The following ZFYVE16 variants were observed in gnomAD, a reference collection of about 807,000 sequenced individuals.
ZFYVE16 encodes zinc finger FYVE domain-containing protein 16.
In ZFYVE16, 89 loss-of-function variants were observed where a neutral mutation model predicts 138.1. The ratio of observed to expected loss-of-function variants is 0.64; its 90% CI spans 0.54 to 0.77. ZFYVE16 has a LOEUF of 0.77. Ranked by LOEUF, ZFYVE16 falls within the 30% of genes least tolerant of loss-of-function variation. The pLI, the probability that ZFYVE16 is intolerant of heterozygous loss-of-function variation, is 0.00. For missense variants in ZFYVE16, 1,793 were observed against 1,786.7 expected (o/e 1.00, Z -0.06); for synonymous variants, 596 against 618.3 (o/e 0.96, Z 0.53).
intron 2 of ZFYVE16, among the ~76,000 whole-genome samples, chr5:80,432,186 A>G (rs569487785): frequency 6.6e-6 from 1 of 152,354 alleles, no homozygotes; most frequent in South Asian, 2.1e-4. Context: ...TTCAAACTAT[A>G]CTACAAGGCT....
In ZFYVE16 at chr5:80,426,201, G is replaced by GGTGT. The variant is rs67789869; in HGVS notation, c.-93-1266_-93-1263dup. On this transcript the variant is annotated intron_variant, in intron 1 of 18. Transcript: ENST00000505560. ...TATATATATATATATGTGTGTGTGT[G>GGTGT]GTGTGTGTGTGTGTGTGTGTGTGTG... Among the ~76,000 whole-genome samples, 174 of 139,674 alleles carry GGTGT rather than the reference G, an allele frequency of 1.2e-3. 1 individual carries two copies. The highest frequency in any genetic ancestry group is 4.3e-3 in the African/African-American group (157 of 36,342). 91.6% of individuals were successfully genotyped at this position (139,674 alleles called of 152,430 possible). A position where few individuals can be genotyped will look rare whatever the true frequency, so the allele number is the denominator to read the frequency against.
chr5:80,459,616 A>G (rs1004090342), intron 15 of ZFYVE16, 122 bp downstream of exon 15: 14 of 753,706 alleles, frequency 1.9e-5, no homozygotes, highest in Admixed American at 6.4e-5. Context: ...ACAAACTTAC[A>G]TGAAATCATC....
Position 80,477,472 on chromosome 5 carries a change from A to G in ZFYVE16, c.*95A>G. 8.3e-7 allele frequency: 1 copy of G among 1,197,698 alleles called. No homozygotes were observed. Among genetic ancestry groups the G allele is most frequent in the Non-Finnish European group, 1.1e-6 (1 of 893,318 alleles). The allele number at this position is 1,197,698 out of a possible 1,614,324, so 74.2% of individuals were successfully genotyped here. On this transcript the variant is annotated 3_prime_UTR_variant, in exon 19 of 19. Coordinates refer to ENST00000505560, the MANE Select transcript of ZFYVE16 (RefSeq NM_001284236.3). Reference sequence around the variant, plus strand: ...TGCCACAAACACTAAAAGTATAAATATGTCTGATTTTTGAAACACATAAGC... The same window carrying G: ...TGCCACAAACACTAAAAGTATAAATGTGTCTGATTTTTGAAACACATAAGC...
chr5:80,456,928 T>C lies in ZFYVE16; in HGVS notation c.3796-17T>C. ...AAGTGTTTCTAAATAAATGTTGTTG[T>C]TTTTGTTTTTTTCCAGGTAATGAAA... is the stretch of plus-strand genomic sequence containing the variant. On this transcript the variant is annotated splice_polypyrimidine_tract_variant and intron_variant, in intron 13 of 18. Transcript: ENST00000505560. 2 of 1,580,064 alleles carry C rather than the reference T, an allele frequency of 1.3e-6. No homozygotes were observed. The highest frequency in any genetic ancestry group is 8.6e-7 in the Non-Finnish European group (1 of 1,169,318).
intron 1 of ZFYVE16, among the ~76,000 whole-genome samples, chr5:80,417,324 T>A (rs1022162678): frequency 1.3e-5 from 2 of 152,214 alleles, no homozygotes; most frequent in African/African-American, 2.4e-5. Flanking sequence ...ATAGTTAGAC[T>A]TTTTGTCGCA....
intron 15 of ZFYVE16, 93 bp downstream of exon 15, chr5:80,459,587 A>C (rs1422827540): frequency 9.0e-7 from 1 of 1,116,552 alleles, no homozygotes; most frequent in Non-Finnish European, 1.3e-6. Context: ...AACATATGTA[A>C]GTTATAAAGC....
intron 2 of ZFYVE16, among the ~76,000 whole-genome samples, chr5:80,431,367 G>C (rs1333363618): frequency 6.6e-6 from 1 of 152,094 alleles, no homozygotes; most frequent in African/African-American, 2.4e-5. Context: ...ATGCAGAAAA[G>C]GCCTTTGACA....
rs1368414031 is a variant in ZFYVE16 at position 80,436,900 on chromosome 5, G to A, written c.215G>A (p.Ser72Asn). ...AATAGTTGTGCCTCATCAGAAACAA[G>A]CTATGGAACAAATGAGAGTTCCCTG... is the stretch of plus-strand genomic sequence containing the variant. ...CVNSCASSETSYGTNESSLNE... is the reference protein window; with the variant it reads ...CVNSCASSETNYGTNESSLNE... Residue 72 changes from serine (S) to asparagine (N), a missense_variant, in exon 4 of 19, where the codon AGC becomes AAC. Ser to Asn is a conservative substitution (Grantham distance 46). Around this residue, in one of 2 missense-constraint regions of ZFYVE16, gnomAD observed 1,295 missense variants for 1,204.3 expected, o/e 1.08. Transcript: ENST00000505560. The A allele has an allele frequency of 6.2e-7, 1 of 1,614,134 alleles. No homozygotes were observed.
In ZFYVE16 at chr5:80,451,373, GAC is replaced by G. The variant is rs528794718; in HGVS notation, c.3383-110_3383-109del. 6.7e-4 allele frequency: 501 copies of G among 749,392 alleles called. 8 individuals are homozygous for G. In the South Asian group the frequency reaches 9.4e-3, roughly 14 times the overall value. The allele number at this position is 749,392 out of a possible 1,614,324, so 46.4% of individuals were successfully genotyped here. On this transcript the variant is annotated intron_variant, in intron 10 of 18. Coordinates refer to ENST00000505560, the MANE Select transcript of ZFYVE16 (RefSeq NM_001284236.3). The stretch of plus-strand genomic sequence containing the variant: ...CTTAACTTCAGACAGTTTATATTGG[GAC>G]AGTTTATATGTATTGGATCAGTTTT...
At position 80,436,736 on chromosome 5, in the gene ZFYVE16, A is replaced by G; in HGVS notation, c.71-20A>G. ...TTATTTGATTTAAGTCTCCCGAATA[A>G]CACTGTTTCTCTATTTCAGATGAAC... On this transcript the variant is annotated intron_variant, in intron 3 of 18. Coordinates refer to ENST00000505560, the MANE Select transcript of ZFYVE16 (RefSeq NM_001284236.3). 6.3e-7 allele frequency: 1 copy of G among 1,578,582 alleles called. No individual in the cohort carries two copies. Among genetic ancestry groups the G allele is most frequent in the Middle Eastern group, 1.7e-4 (1 of 5,882 alleles).
intron 1 of ZFYVE16, among the ~76,000 whole-genome samples, chr5:80,418,180 C>T (rs1419698363): frequency 6.6e-6 from 1 of 151,058 alleles, no homozygotes; most frequent in Admixed American, 6.6e-5. Flanking sequence ...CCTTTTCTCT[C>T]CTTTCCTTTC....
intron 15 of ZFYVE16, among the ~76,000 whole-genome samples, chr5:80,461,841 G>A (rs1318213625): frequency 2.0e-5 from 3 of 151,964 alleles, no homozygotes; most frequent in Admixed American, 6.6e-5. Flanking sequence ...GCGTGGTGGC[G>A]GGCGCCTGTA....
chr5:80,446,148 G>A (rs891034883), intron 7 of ZFYVE16, among the ~76,000 whole-genome samples: 5 of 151,854 alleles, frequency 3.3e-5, no homozygotes, highest in Non-Finnish European at 5.9e-5. Flanking sequence ...TGCCCATCTC[G>A]GCCTCCCAAA....
At chr5:80,474,521 A>AATTC in intron 17 of ZFYVE16, 142 bp from the exon 18 acceptor site, 3 of 852,348 alleles carry the variant, frequency 3.5e-6, no homozygotes, top group Admixed American at 2.9e-5. Context: ...TATAGTACAG[A>AATTC]TCAAGCTATC....
At chr5:80,477,176 C>T in intron 18 of ZFYVE16, 43 bp from the exon 19 acceptor site, 2 of 1,503,834 alleles carry the variant, frequency 1.3e-6, no homozygotes, top group Non-Finnish European at 1.8e-6. Flanking sequence ...CCGAGTTAAA[C>T]AAGATTGCTC....
chr5:80,445,789 C>T (rs1330917598), intron 7 of ZFYVE16, among the ~76,000 whole-genome samples: 1 of 150,744 alleles, frequency 6.6e-6, no homozygotes, highest in Non-Finnish European at 1.5e-5. Flanking sequence ...GATGTGGTCT[C>T]ACTATTTTGC....
At chr5:80,465,422 T>TTTG (rs1753635464) in intron 15 of ZFYVE16, among the ~76,000 whole-genome samples, 1 of 136,988 alleles carries the variant, frequency 7.3e-6, no homozygotes, top group East Asian at 2.1e-4. Flanking sequence ...TTTTTTTTTT[T>TTTG]TTGAGACAGG....
At chr5:80,447,522 G>T (rs1751510977) in intron 7 of ZFYVE16, among the ~76,000 whole-genome samples, 1 of 152,076 alleles carries the variant, frequency 6.6e-6, no homozygotes, top group East Asian at 1.9e-4. Flanking sequence ...AGTCTAAAAA[G>T]AAAAAGGCTT....
At chr5:80,451,314 C>T (rs1751965471) in intron 10 of ZFYVE16, among the ~76,000 whole-genome samples, 171 bp from the exon 11 acceptor site, 1 of 152,014 alleles carries the variant, frequency 6.6e-6, no homozygotes. Flanking sequence ...GATGCTTTTG[C>T]AAGAACAGAA....
Sources: gnomAD v4.1 joint callset for allele counts (sites outside exome capture counted in the v4.1 genomes callset) on GRCh38, gnomAD v4.1.1 for gene constraint, gnomAD v4.1.1 regional missense constraint, MANE v1.5 for transcripts, NCBI Gene and HGNC (gene_info 2026-07-23, HGNC 2026-07-21) for gene names.